Variants in RAB38 observed in about 807,000 individuals in gnomAD.
RAB38 encodes the protein RAB38, member RAS oncogene family.
RAB38 carries 15 observed loss-of-function variants against 18.4 expected under a neutral mutation model. The ratio of observed to expected loss-of-function variants is 0.82; its 90% CI spans 0.55 to 1.26. The LOEUF is 1.26. Among genes scored for constraint, RAB38 ranks in the 50% most tolerant of loss-of-function variants. The probability of loss-of-function intolerance (pLI) is 0.00; values close to 1 mark genes in which losing one functional copy is unlikely to be tolerated. For synonymous variants in RAB38, 101 were observed against 104.4 expected (o/e 0.97, Z 0.20); for missense variants, 294 against 267.4 (o/e 1.10, Z -0.69).
At chr11:88,136,276 T>C (rs1942833303) in intron 2 of RAB38, among the ~76,000 whole-genome samples, 1 of 151,998 alleles carries the variant, frequency 6.6e-6, no homozygotes, top group African/African-American at 2.4e-5. Context: ...TCTCAAGAAA[T>C]CAATACCTCG....
At chr11:88,028,605 G>A in the RAB38 span, among the ~76,000 whole-genome samples, 14 of 152,182 alleles carry the variant, frequency 9.2e-5, no homozygotes, top group African/African-American at 3.4e-4. Context: ...GAGCCGATGC[G>A]ATCAACTGGA....
chr11:88,151,490 T>A (rs1237249825), intron 1 of RAB38, among the ~76,000 whole-genome samples: 1 of 152,210 alleles, frequency 6.6e-6, no homozygotes, highest in Admixed American at 6.5e-5. Context: ...CCCAGAAGTA[T>A]GTGACCAGAC....
intron 1 of RAB38, among the ~76,000 whole-genome samples, chr11:88,159,319 A>G (rs1943161791): frequency 1.3e-5 from 2 of 151,418 alleles, no homozygotes; most frequent in Non-Finnish European, 3.0e-5. Flanking sequence ...AAACACTACT[A>G]AAAACAATCA....
At chr11:87,869,556 C>T in the RAB38 span, among the ~76,000 whole-genome samples, 6 of 151,286 alleles carry the variant, frequency 4.0e-5, no homozygotes, top group Admixed American at 2.0e-4. Flanking sequence ...GGATAAATCA[C>T]AGCAGCAGGT....
At chr11:87,930,385 AT>A in the RAB38 span, among the ~76,000 whole-genome samples, 1 of 152,076 alleles carries the variant, frequency 6.6e-6, no homozygotes, top group East Asian at 1.9e-4. Flanking sequence ...GTCTGTTCAT[AT>A]CCTTCGCCCA....
chr11:88,107,154 T>C, the RAB38 span, among the ~76,000 whole-genome samples: 5 of 152,096 alleles, frequency 3.3e-5, no homozygotes, highest in African/African-American at 1.2e-4. Flanking sequence ...ATACCACAGA[T>C]TTTGCCCATT....
the RAB38 span, among the ~76,000 whole-genome samples, chr11:88,042,572 A>C: frequency 6.6e-6 from 1 of 152,114 alleles, no homozygotes; most frequent in Non-Finnish European, 1.5e-5. Flanking sequence ...GAAGCCAGAG[A>C]GTGTGCAAGG....
the RAB38 span, among the ~76,000 whole-genome samples, chr11:87,819,981 G>A: frequency 6.6e-6 from 1 of 151,920 alleles, no homozygotes; most frequent in Non-Finnish European, 1.5e-5. Flanking sequence ...TATACAGGAG[G>A]CCAATTTTAT....
the RAB38 span, among the ~76,000 whole-genome samples, chr11:87,840,935 C>T: frequency 0.28 from 42,493 of 152,042 alleles, 8,029 homozygotes; most frequent in African/African-American, 0.54. Flanking sequence ...TTAAAGTTCT[C>T]GTTACAGGTA....
chr11:88,149,999 AAACTGAATCATATTAT>A, intron 1 of RAB38, 44 bp from the exon 2 acceptor site: 1 of 1,562,148 alleles, frequency 6.4e-7, no homozygotes, highest in South Asian at 1.2e-5. Flanking sequence ...TTAAAATTGC[AAACTGAATCATATTAT>A]AACTTCATGA....
At chr11:88,172,662 T>A (rs34749730) in intron 1 of RAB38, among the ~76,000 whole-genome samples, 2 of 152,262 alleles carry the variant, frequency 1.3e-5, no homozygotes, top group African/African-American at 4.8e-5. Context: ...AGGCTGTGAT[T>A]TGAAAGTACT....
the RAB38 span, among the ~76,000 whole-genome samples, chr11:87,825,258 TAAGA>T: frequency 6.6e-6 from 1 of 152,078 alleles, no homozygotes; most frequent in Non-Finnish European, 1.5e-5. Context: ...AGGAACAAAT[TAAGA>T]AAGGAAGGAG....
the RAB38 span, among the ~76,000 whole-genome samples, chr11:88,025,682 A>G: frequency 1.3e-5 from 2 of 152,112 alleles, no homozygotes; most frequent in Non-Finnish European, 2.9e-5. Flanking sequence ...CTTCTTTTGA[A>G]AAGTGTTCAG....
the RAB38 span, among the ~76,000 whole-genome samples, chr11:87,865,456 C>T: frequency 6.6e-6 from 1 of 151,652 alleles, no homozygotes; most frequent in Non-Finnish European, 1.5e-5. Flanking sequence ...AGAATTCTGG[C>T]TCATGCGTAC....
chr11:88,007,829 G>A, the RAB38 span, among the ~76,000 whole-genome samples: 1 of 151,996 alleles, frequency 6.6e-6, no homozygotes, highest in Non-Finnish European at 1.5e-5. Context: ...AGGGGTAGGG[G>A]TAAGATCTCA....
chr11:87,949,843 G>C, the RAB38 span, among the ~76,000 whole-genome samples: 1 of 152,170 alleles, frequency 6.6e-6, no homozygotes, highest in Non-Finnish European at 1.5e-5. Flanking sequence ...GTGTGGTGTG[G>C]TGCTGAGAAG....
chr11:88,106,893 G>A, the RAB38 span, among the ~76,000 whole-genome samples: 2 of 152,132 alleles, frequency 1.3e-5, no homozygotes, highest in Non-Finnish European at 2.9e-5. Flanking sequence ...ATGCAGCCAA[G>A]TTTAAATTCA....
At chr11:87,968,944 G>A in the RAB38 span, among the ~76,000 whole-genome samples, 1 of 151,988 alleles carries the variant, frequency 6.6e-6, no homozygotes, top group East Asian at 1.9e-4. Context: ...TTAATTAATG[G>A]GTACAATGCA....
chr11:87,862,113 C>T, the RAB38 span, among the ~76,000 whole-genome samples: 1 of 151,876 alleles, frequency 6.6e-6, no homozygotes, highest in African/African-American at 2.4e-5. Flanking sequence ...GGCAATTCCT[C>T]AAAGACCTAA....
Sources: allele counts gnomAD v4.1 joint callset (sites outside exome capture counted in the v4.1 genomes callset), GRCh38; gene constraint gnomAD v4.1.1; transcripts MANE v1.5; gene names NCBI Gene and HGNC (gene_info 2026-07-23, HGNC 2026-07-21).